Variants in RELN observed in about 807,000 individuals in gnomAD.
RELN encodes reelin.
Under a neutral mutation model 427.6 loss-of-function variants are expected in RELN, and 108 were observed. The observed-to-expected ratio is 0.25, with a 90% confidence interval of 0.22 to 0.30. The LOEUF (loss-of-function observed/expected upper bound fraction) is 0.30. RELN is among the 10% of genes least tolerant of loss of function. RELN has a pLI of 1.00. For synonymous variants in RELN, 1,524 were observed against 1,513.4 expected, an observed-to-expected ratio of 1.01 and a Z score of -0.16; for missense variants, 3,715 against 4,302.8, an observed-to-expected ratio of 0.86 and a Z score of 3.82.
chr7:103,735,982 A>G (rs1028286318), intron 6 of RELN, among the ~76,000 whole-genome samples: 2 of 152,220 alleles, frequency 1.3e-5, no homozygotes, highest in African/African-American at 4.8e-5. Flanking sequence ...GGAAAAGAAA[A>G]GTTTCTTGTA....
chr7:103,764,080 G>C (rs1791368438), intron 4 of RELN, among the ~76,000 whole-genome samples: 1 of 152,120 alleles, frequency 6.6e-6, no homozygotes, highest in Non-Finnish European at 1.5e-5. Context: ...GCAATAGAGG[G>C]GTACAGATTT....
intron 2 of RELN, among the ~76,000 whole-genome samples, chr7:103,916,667 A>G (rs537955224): frequency 8.5e-5 from 13 of 152,324 alleles, no homozygotes; most frequent in African/African-American, 3.1e-4. Flanking sequence ...GCTTTATACA[A>G]TGTTCAGTTG....
Position 103,495,952 on chromosome 7 carries a change from G to A in RELN, c.9194-54C>T, listed in dbSNP as rs138074361. 3.3e-4 allele frequency: 523 copies of A among 1,574,746 alleles called. 2 individuals carry two copies. The African/African-American group carries it at 6.4e-3, about 19-fold the overall frequency. ...CATATTATTCTCTTGAGGAAAATTG[G>A]AAGCAATATGGCATATTATTCTCTT... is the stretch of plus-strand genomic sequence containing the variant. On this transcript the variant is annotated intron_variant, in intron 56 of 64. Transcript: ENST00000428762.
chr7:103,707,590 A>G (rs1047031616), intron 8 of RELN, among the ~76,000 whole-genome samples: 1 of 150,306 alleles, frequency 6.7e-6, no homozygotes, highest in African/African-American at 2.5e-5. Context: ...TCTTTGCTTC[A>G]TGGGTTCAAG....
intron 2 of RELN, among the ~76,000 whole-genome samples, chr7:103,870,482 G>A (rs1433317093): frequency 6.6e-6 from 1 of 151,836 alleles, no homozygotes; most frequent in African/African-American, 2.4e-5. Context: ...GAATTTCCTA[G>A]GTCCCTCTAA....
At chr7:103,646,289 A>G (rs2117376166) in intron 16 of RELN, among the ~76,000 whole-genome samples, 1 of 152,024 alleles carries the variant, frequency 6.6e-6, no homozygotes, top group South Asian at 2.1e-4. Context: ...GAACTAAATG[A>G]AATAGAGATC....
chr7:103,671,012 T>C (rs1054167784), intron 11 of RELN, among the ~76,000 whole-genome samples: 10 of 152,126 alleles, frequency 6.6e-5, no homozygotes, highest in African/African-American at 2.4e-4. Flanking sequence ...AAATCTCATA[T>C]AAATTCTCTG....
At chr7:103,579,106 T>C (rs1449163685) in intron 28 of RELN, among the ~76,000 whole-genome samples, 2 of 152,214 alleles carry the variant, frequency 1.3e-5, no homozygotes, top group African/African-American at 4.8e-5. Context: ...CCTGCCTTCA[T>C]GTAGCCCACA....
intron 10 of RELN, among the ~76,000 whole-genome samples, chr7:103,696,559 C>A (rs1833979912): frequency 6.6e-6 from 1 of 152,176 alleles, no homozygotes; most frequent in Non-Finnish European, 1.5e-5. Flanking sequence ...GCTGCCTATA[C>A]CTTGTCCCTG....
chr7:103,687,197 A>G (rs1351777982), intron 10 of RELN, among the ~76,000 whole-genome samples: 1 of 152,202 alleles, frequency 6.6e-6, no homozygotes, highest in Non-Finnish European at 1.5e-5. Flanking sequence ...GAATTGGAGT[A>G]ATGAGAGGCA....
chr7:103,665,020 A>C (rs951355818), intron 11 of RELN, among the ~76,000 whole-genome samples: 1 of 152,162 alleles, frequency 6.6e-6, no homozygotes, highest in African/African-American at 2.4e-5. Context: ...CTTACCCTCA[A>C]ATCATAGAGA....
At chr7:103,748,125 T>G (rs954172383) in intron 6 of RELN, among the ~76,000 whole-genome samples, 1 of 146,948 alleles carries the variant, frequency 6.8e-6, no homozygotes, top group Non-Finnish European at 1.5e-5. Context: ...TGGGTAAAAG[T>G]GCTACTTAGA....
intron 2 of RELN, among the ~76,000 whole-genome samples, chr7:103,901,281 C>G (rs549912792): frequency 6.6e-6 from 1 of 152,030 alleles, no homozygotes; most frequent in African/African-American, 2.4e-5. Context: ...TGTGGAGAAA[C>G]TGAACCTCTC....
At chr7:103,945,919 G>A (rs549681237) in intron 1 of RELN, among the ~76,000 whole-genome samples, 1 of 152,278 alleles carries the variant, frequency 6.6e-6, no homozygotes, top group Non-Finnish European at 1.5e-5. Flanking sequence ...CACAGCCTAG[G>A]TGTCTCCTAG....
At position 103,822,635 on chromosome 7, in the gene RELN, C is replaced by CAATTGAAATACTAGAAATACGTACT. The variant is rs1398617439; in HGVS notation, c.473+10901_473+10902insAGTACGTATTTCTAGTATTTCAATT. Among the ~76,000 whole-genome samples, 13 of 51,458 alleles carry CAATTGAAATACTAGAAATACGTACT rather than the reference C, an allele frequency of 2.5e-4. 2 individuals carry two copies. Among genetic ancestry groups the CAATTGAAATACTAGAAATACGTACT allele is most frequent in the African/African-American group, 4.4e-4 (8 of 18,262 alleles). 33.8% of individuals were successfully genotyped at this position (51,458 alleles called of 152,430 possible). A position where few individuals can be genotyped will look rare whatever the true frequency, so the allele number is the denominator to read the frequency against. On this transcript the variant is annotated intron_variant, in intron 3 of 64. Coordinates refer to ENST00000428762, the MANE Select transcript of RELN (RefSeq NM_005045.4). ...ACCAATGTTTAAAGAATTACTTTGG[C>CAATTGAAATACTAGAAATACGTACT]CGGGCGCGGTGGCTCACGCCTGTAA...
At chr7:103,546,626 A>T (rs1268919318) in intron 41 of RELN, among the ~76,000 whole-genome samples, 1 of 152,108 alleles carries the variant, frequency 6.6e-6, no homozygotes, top group Non-Finnish European at 1.5e-5. Context: ...TCCCAGCTGG[A>T]GTTACTTAAA....
At chr7:103,886,565 T>G (rs1794730040) in intron 2 of RELN, among the ~76,000 whole-genome samples, 1 of 152,204 alleles carries the variant, frequency 6.6e-6, no homozygotes, top group South Asian at 2.1e-4. Flanking sequence ...TGTGTGAACA[T>G]GAAAGTCATC....
At chr7:103,565,785 T>C (rs1041101279) in intron 33 of RELN, among the ~76,000 whole-genome samples, 1 of 152,218 alleles carries the variant, frequency 6.6e-6, no homozygotes, top group Admixed American at 6.5e-5. Context: ...AGGGCTAACA[T>C]ATTATCTTTA....
intron 11 of RELN, among the ~76,000 whole-genome samples, chr7:103,668,093 G>C (rs1833311507): frequency 6.6e-6 from 1 of 152,084 alleles, no homozygotes; most frequent in African/African-American, 2.4e-5. Context: ...AGCCGGGCAT[G>C]GTGGTGCACA....
Sources: allele counts gnomAD v4.1 joint callset (sites outside exome capture counted in the v4.1 genomes callset), GRCh38; gene constraint gnomAD v4.1.1; transcripts MANE v1.5; gene names NCBI Gene and HGNC (gene_info 2026-07-23, HGNC 2026-07-21).